Variants in COL21A1 observed in about 807,000 individuals in gnomAD.
COL21A1 encodes the protein collagen alpha-1(XXI) chain.
COL21A1 carries 149 observed loss-of-function variants against 137.9 expected under a neutral mutation model. That is an observed-to-expected ratio of 1.08 (90% CI 0.95 to 1.24). COL21A1 has a LOEUF of 1.24. COL21A1 is among the 50% of genes most tolerant of loss of function. The probability of loss-of-function intolerance (pLI) is 0.00; values close to 1 mark genes in which losing one functional copy is unlikely to be tolerated. For missense variants in COL21A1, 1,167 were observed against 1,158.4 expected (o/e 1.01, Z -0.11); for synonymous variants, 456 against 391.5 (o/e 1.16, Z -1.95).
At chr6:56,083,710 CTACTAA>C (rs936150263) in intron 17 of COL21A1, among the ~76,000 whole-genome samples, 2 of 151,810 alleles carry the variant, frequency 1.3e-5, no homozygotes, top group Admixed American at 6.6e-5. Context: ...AATTATGAAG[CTACTAA>C]TACTAAGTCA....
intron 10 of COL21A1, among the ~76,000 whole-genome samples, chr6:56,143,251 A>G (rs560676321): frequency 1.5e-5 from 2 of 136,066 alleles, no homozygotes; most frequent in African/African-American, 2.8e-5. Flanking sequence ...CTCAGACTGG[A>G]GTGCAGTGGT....
chr6:56,092,444 A>G lies in COL21A1; in HGVS notation c.1812+9028T>C, dbSNP rs535649648. Among the ~76,000 whole-genome samples, 7 of 152,306 alleles carry G rather than the reference A, an allele frequency of 4.6e-5. No homozygotes were observed. In the East Asian group the frequency reaches 1.2e-3, roughly 25 times the overall value. ...TTAATTGCTTCAAATTTACAATATG[A>G]TAACACAGAGAAGAAATATGGGCTA... is the stretch of plus-strand genomic sequence containing the variant. On this transcript the variant is annotated intron_variant, in intron 17 of 29. Coordinates refer to ENST00000244728, the MANE Select transcript of COL21A1 (RefSeq NM_030820.4).
chr6:56,261,915 T>C (rs1763286307), intron 1 of COL21A1, among the ~76,000 whole-genome samples: 1 of 152,202 alleles, frequency 6.6e-6, no homozygotes, highest in Admixed American at 6.5e-5. Flanking sequence ...GGACCTTACC[T>C]GCCTCAGCTC....
intron 1 of COL21A1, among the ~76,000 whole-genome samples, chr6:56,237,439 C>T (rs1252847108): frequency 3.3e-5 from 5 of 152,086 alleles, no homozygotes; most frequent in Non-Finnish European, 5.9e-5. Flanking sequence ...AGCATAAACA[C>T]ATTTAGGTTT....
chr6:56,377,679 T>A (rs1396360146), intron 1 of COL21A1, among the ~76,000 whole-genome samples: 1 of 152,094 alleles, frequency 6.6e-6, no homozygotes, highest in Non-Finnish European at 1.5e-5. Context: ...GTCCTAGGGC[T>A]GAACTGGGCC....
chr6:56,272,532 C>T (rs1189124383), intron 1 of COL21A1, among the ~76,000 whole-genome samples: 1 of 152,106 alleles, frequency 6.6e-6, no homozygotes, highest in East Asian at 1.9e-4. Context: ...GTTACAAAGG[C>T]ATAATTGGTT....
chr6:56,291,419 C>T, intron 1 of COL21A1, among the ~76,000 whole-genome samples: 1 of 152,238 alleles, frequency 6.6e-6, no homozygotes, highest in Non-Finnish European at 1.5e-5. Context: ...CAGACTGAAG[C>T]AGCATTGCTG....
At chr6:56,282,146 G>A (rs558858700) in intron 1 of COL21A1, among the ~76,000 whole-genome samples, 1 of 152,206 alleles carries the variant, frequency 6.6e-6, no homozygotes, top group East Asian at 1.9e-4. Flanking sequence ...ACAAAAGTCT[G>A]TATTTCTAGA....
chr6:56,237,851 T>C (rs1782013102), intron 1 of COL21A1, among the ~76,000 whole-genome samples: 1 of 152,260 alleles, frequency 6.6e-6, no homozygotes, highest in East Asian at 1.9e-4. Context: ...TTTTTTCCAG[T>C]ATTCTGAGAT....
chr6:56,204,702 G>A (rs1582635738), intron 1 of COL21A1, among the ~76,000 whole-genome samples: 1 of 152,132 alleles, frequency 6.6e-6, no homozygotes, highest in Non-Finnish European at 1.5e-5. Context: ...CCTCCAGTAG[G>A]GGCTGACAGA....
chr6:56,318,836 AT>A (rs1308031708), intron 1 of COL21A1, among the ~76,000 whole-genome samples: 1 of 151,908 alleles, frequency 6.6e-6, no homozygotes, highest in Non-Finnish European at 1.5e-5. Context: ...CTGCTAATCT[AT>A]TTCTTTGAAT....
At chr6:56,216,587 G>C (rs757111334) in intron 1 of COL21A1, among the ~76,000 whole-genome samples, 7 of 151,916 alleles carry the variant, frequency 4.6e-5, no homozygotes, top group Non-Finnish European at 8.8e-5. Flanking sequence ...TCTTGATAAG[G>C]GTCAACATCA....
chr6:56,390,853 A>G (rs2094028128), intron 1 of COL21A1, among the ~76,000 whole-genome samples: 1 of 152,166 alleles, frequency 6.6e-6, no homozygotes, highest in South Asian at 2.1e-4. Context: ...AGAGAGATAT[A>G]CCCCAATTCA....
intron 23 of COL21A1, among the ~76,000 whole-genome samples, chr6:56,066,101 AT>A (rs901356281): frequency 1.3e-5 from 2 of 151,906 alleles, no homozygotes; most frequent in African/African-American, 4.8e-5. Flanking sequence ...CCCATGAGTC[AT>A]CTAAATGCAG....
intron 1 of COL21A1, among the ~76,000 whole-genome samples, chr6:56,304,797 C>T (rs1764398521): frequency 2.0e-5 from 3 of 152,172 alleles, no homozygotes; most frequent in Admixed American, 2.0e-4. Context: ...TTTGCTCTTG[C>T]TTCCTCAGTT....
chr6:56,231,009 C>A (rs983552551), intron 1 of COL21A1: 3 of 151,842 alleles, frequency 2.0e-5, no homozygotes, highest in Non-Finnish European at 4.4e-5. Context: ...AAAAGCCAGC[C>A]TTTTGTTTCT....
At chr6:56,197,576 T>A (rs1779106521) in intron 1 of COL21A1, among the ~76,000 whole-genome samples, 1 of 152,044 alleles carries the variant, frequency 6.6e-6, no homozygotes, top group South Asian at 2.1e-4. Flanking sequence ...AAAGAAGACA[T>A]ACAAATGGTC....
intron 3 of COL21A1, among the ~76,000 whole-genome samples, chr6:56,177,522 G>A (rs950226259): frequency 2.6e-5 from 4 of 152,068 alleles, no homozygotes; most frequent in South Asian, 2.1e-4. Context: ...GACTGGGCGC[G>A]GTGGCTCACG....
intron 1 of COL21A1, among the ~76,000 whole-genome samples, chr6:56,368,090 A>G (rs1766142524): frequency 6.6e-6 from 1 of 152,206 alleles, no homozygotes; most frequent in Non-Finnish European, 1.5e-5. Context: ...TACTGTGAAA[A>G]AAAATTTTAA....
Sources: allele counts gnomAD v4.1 joint callset (sites outside exome capture counted in the v4.1 genomes callset), GRCh38; gene constraint gnomAD v4.1.1; transcripts MANE v1.5; gene names NCBI Gene and HGNC (gene_info 2026-07-23, HGNC 2026-07-21).